PDE1C: variants seen among roughly 807,000 people sequenced by gnomAD.
PDE1C encodes phosphodiesterase 1C.
Under a neutral mutation model 93.1 loss-of-function variants are expected in PDE1C, and 62 were observed. That is an observed-to-expected ratio of 0.67 (90% CI 0.54 to 0.82). The LOEUF is 0.82. Ranked by LOEUF, PDE1C falls within the 40% of genes least tolerant of loss-of-function variation. The pLI, the probability that PDE1C is intolerant of heterozygous loss-of-function variation, is 0.00. For missense variants in PDE1C, 742 were observed against 884.6 expected, an observed-to-expected ratio of 0.84 and a Z score of 2.04; for synonymous variants, 325 against 310.1, an observed-to-expected ratio of 1.05 and a Z score of -0.50.
At chr7:31,699,718 T>G in the PDE1C span, among the ~76,000 whole-genome samples, 1 of 152,170 alleles carries the variant, frequency 6.6e-6, no homozygotes, top group Non-Finnish European at 1.5e-5. Context: ...CACCATTTTT[T>G]CAATAGCATG....
At chr7:32,099,377 A>G (rs1340654845) in intron 3 of PDE1C, among the ~76,000 whole-genome samples, 1 of 152,232 alleles carries the variant, frequency 6.6e-6, no homozygotes, top group East Asian at 1.9e-4. Context: ...TTTCCAATAC[A>G]TAACTGTGTG....
rs533044448 is a variant in PDE1C, at chr7:32,226,532, G to A, written c.86-16993C>T. ...AATGCAACCAGTAAGAAGATGAAGC[G>A]GGCCTGGGGTTTAGATGGGCTGGTC... On this transcript the variant is annotated intron_variant, in intron 1 of 18. Coordinates refer to the PDE1C transcript ENST00000396193. Among the ~76,000 whole-genome samples the A allele has an allele frequency of 4.6e-5, 7 of 152,280 alleles. No individual in the cohort carries two copies. The South Asian group carries it at 6.2e-4, about 14-fold the overall frequency.
chr7:31,680,037 G>A, the PDE1C span, among the ~76,000 whole-genome samples: 1 of 152,202 alleles, frequency 6.6e-6, no homozygotes, highest in Non-Finnish European at 1.5e-5. Flanking sequence ...GTGTCCGGAT[G>A]CACCTTAATA....
At chr7:31,940,423 G>A (rs567537692) in intron 2 of PDE1C, among the ~76,000 whole-genome samples, 3 of 152,294 alleles carry the variant, frequency 2.0e-5, no homozygotes, top group Admixed American at 2.0e-4. Context: ...TTCTCTGCAA[G>A]GTAGAGTTCA....
At chr7:32,350,590 ATTTTT>A (rs1202256808) in intron 1 of PDE1C, among the ~76,000 whole-genome samples, 1 of 3,144 alleles carries the variant, frequency 3.2e-4, no homozygotes, top group African/African-American at 3.7e-4. Context: ...ATATATATAT[ATTTTT>A]TTTTTTTTTT....
upstream of PDE1C, among the ~76,000 whole-genome samples, chr7:32,302,028 C>T (rs1279534750): frequency 1.3e-5 from 2 of 152,202 alleles, no homozygotes; most frequent in African/African-American, 2.4e-5. Context: ...TAGCTATGCT[C>T]ATTTATTTCC....
intron 3 of PDE1C, among the ~76,000 whole-genome samples, chr7:32,086,752 G>A (rs1027959814): frequency 3.1e-4 from 47 of 152,282 alleles, no homozygotes; most frequent in Middle Eastern, 3.4e-3. Context: ...CAAGCAATGC[G>A]GAAAGGATTC....
At chr7:32,006,809 A>G (rs1786327079) in intron 2 of PDE1C, among the ~76,000 whole-genome samples, 1 of 152,186 alleles carries the variant, frequency 6.6e-6, no homozygotes, top group South Asian at 2.1e-4. Context: ...CAAAGACAGT[A>G]AAAAAGAAGA....
intron 2 of PDE1C, among the ~76,000 whole-genome samples, chr7:32,041,811 T>C (rs1791855643): frequency 6.6e-6 from 1 of 152,222 alleles, no homozygotes; most frequent in Admixed American, 6.5e-5. Flanking sequence ...CATTAAACTT[T>C]CCTGAGAGCT....
At chr7:32,339,010 GCACACA>G (rs57740255) in intron 1 of PDE1C, among the ~76,000 whole-genome samples, 4,782 of 138,612 alleles carry the variant, frequency 0.034, 104 homozygotes, top group Middle Eastern at 0.1. Context: ...CTCAAAAAAA[GCACACA>G]CACACACACA....
At chr7:31,938,482 A>T (rs1472836156) in intron 2 of PDE1C, among the ~76,000 whole-genome samples, 1 of 152,104 alleles carries the variant, frequency 6.6e-6, no homozygotes, top group African/African-American at 2.4e-5. Flanking sequence ...ATTCAATATT[A>T]TTGGTAGAAA....
chr7:32,177,783 C>A (rs1489481034), intron 2 of PDE1C, among the ~76,000 whole-genome samples: 1 of 152,198 alleles, frequency 6.6e-6, no homozygotes, highest in Non-Finnish European at 1.5e-5. Flanking sequence ...TGTGCCCCTT[C>A]TCTTGGAATC....
intron 2 of PDE1C, among the ~76,000 whole-genome samples, chr7:32,013,694 G>T (rs1250180559): frequency 6.6e-6 from 1 of 152,318 alleles, no homozygotes; most frequent in East Asian, 1.9e-4. Flanking sequence ...AAGCACGCCA[G>T]GGCAAATATT....
chr7:32,287,639 G>A (rs1050743132), intron 1 of PDE1C, among the ~76,000 whole-genome samples: 14 of 152,210 alleles, frequency 9.2e-5, no homozygotes, highest in African/African-American at 2.4e-4. Flanking sequence ...GAGTGGTTAC[G>A]ACCCATGCGC....
intron 2 of PDE1C, among the ~76,000 whole-genome samples, chr7:31,917,447 A>G (rs1415575387): frequency 6.6e-6 from 1 of 152,190 alleles, no homozygotes; most frequent in African/African-American, 2.4e-5. Context: ...ATGAGTCTCC[A>G]AGCATTATGT....
chr7:32,099,965 C>G (rs772891325), intron 3 of PDE1C, among the ~76,000 whole-genome samples: 1 of 152,132 alleles, frequency 6.6e-6, no homozygotes, highest in Non-Finnish European at 1.5e-5. Flanking sequence ...AACATAAAAG[C>G]AGTTGTTGTA....
chr7:32,391,869 T>C (rs1479624954), intron 1 of PDE1C, among the ~76,000 whole-genome samples: 1 of 151,792 alleles, frequency 6.6e-6, no homozygotes, highest in East Asian at 1.9e-4. Flanking sequence ...TAGCTTTAAA[T>C]GCATATATTA....
At chr7:31,790,264 A>AAAAAAG (rs750192083) in intron 16 of PDE1C, 13 of 1,611,948 alleles carry the variant, frequency 8.1e-6, no homozygotes, top group East Asian at 2.2e-5. Flanking sequence ...GTGAATCTGA[A>AAAAAAG]AAAAAGAAAA....
chr7:31,804,527 C>T (rs1414246024), intron 16 of PDE1C, among the ~76,000 whole-genome samples: 1 of 151,800 alleles, frequency 6.6e-6, no homozygotes, highest in South Asian at 2.1e-4. Context: ...AGTGCTGAAA[C>T]CTATATGTAT....
Sources: gnomAD v4.1 joint callset for allele counts (sites outside exome capture counted in the v4.1 genomes callset) on GRCh38, gnomAD v4.1.1 for gene constraint, MANE v1.5 for transcripts, NCBI Gene and HGNC (gene_info 2026-07-23, HGNC 2026-07-21) for gene names.